Variants in DHDDS observed in about 807,000 individuals in gnomAD.
The protein encoded by DHDDS is dehydrodolichyl diphosphate synthase complex subunit DHDDS.
In DHDDS, 16 loss-of-function variants were observed where a neutral mutation model predicts 46.2. That is an observed-to-expected ratio of 0.35 (90% CI 0.23 to 0.53). The LOEUF is 0.53. Ranked by LOEUF, DHDDS falls within the 20% of genes least tolerant of loss-of-function variation. The pLI is 0.94. For synonymous variants in DHDDS, 151 were observed against 163.1 expected, an observed-to-expected ratio of 0.93 and a Z score of 0.56; for missense variants, 340 against 423.7, an observed-to-expected ratio of 0.80 and a Z score of 1.73.
At chr1:26,440,481 C>T (rs1044258799) in intron 3 of DHDDS, among the ~76,000 whole-genome samples, 3 of 152,202 alleles carry the variant, frequency 2.0e-5, no homozygotes, top group Non-Finnish European at 4.4e-5. Context: ...ATGGGGTTAG[C>T]AATCTCTATC....
intron 6 of DHDDS, among the ~76,000 whole-genome samples, chr1:26,456,209 A>G (rs3127010): frequency 0.39 from 59,205 of 151,896 alleles, 13,607 homozygotes; most frequent in East Asian, 0.78. Flanking sequence ...CTTAAATAAG[A>G]TTTTAAAAAT....
chr1:26,438,319 C>G (rs773755088), intron 3 of DHDDS, 35 bp downstream of exon 3: 1 of 1,580,666 alleles, frequency 6.3e-7, no homozygotes, highest in Non-Finnish European at 8.7e-7. Flanking sequence ...AGTGAACAGT[C>G]TGTGGAGAGG....
In DHDDS at chr1:26,453,555, G is replaced by A. The variant is rs982638805; in HGVS notation, c.543-4236G>A. ...TTGGATCGCTTGAGCTCATAAGTTC[G>A]AGACCAGCCTGGGCAAAATGGTAAA... On this transcript the variant is annotated intron_variant, in intron 6 of 8. Coordinates refer to ENST00000236342, the MANE Select transcript of DHDDS (RefSeq NM_205861.3). Among the ~76,000 whole-genome samples, 23 of 152,054 alleles carry A rather than the reference G, an allele frequency of 1.5e-4. No homozygotes were observed. Among genetic ancestry groups the A allele is most frequent in the African/African-American group, 4.8e-4 (20 of 41,394 alleles).
chr1:26,446,600 T>C (rs1476753931), intron 5 of DHDDS, among the ~76,000 whole-genome samples, 168 bp downstream of exon 5: 3 of 152,194 alleles, frequency 2.0e-5, no homozygotes, highest in Non-Finnish European at 2.9e-5. Context: ...CCAGACATGA[T>C]TCTGCAATAA....
intron 8 of DHDDS, among the ~76,000 whole-genome samples, chr1:26,461,833 A>T (rs1474524959): frequency 1.3e-5 from 2 of 152,224 alleles, no homozygotes; most frequent in East Asian, 1.9e-4. Flanking sequence ...AAATTAAAAG[A>T]AGTTTAGAAT....
At position 26,470,563 on chromosome 1, in the gene DHDDS, GC is replaced by G. The variant is rs2075544524; in HGVS notation, c.*1434del. The G allele has an allele frequency of 6.6e-6, 1 of 152,378 alleles. No homozygotes were observed. Among genetic ancestry groups the G allele is most frequent in the Non-Finnish European group, 1.5e-5 (1 of 68,022 alleles). 9.4% of individuals were successfully genotyped at this position (152,378 alleles called of 1,614,324 possible). A position where few individuals can be genotyped will look rare whatever the true frequency, so the allele number is the denominator to read the frequency against. On this transcript the variant is annotated 3_prime_UTR_variant, in exon 9 of 9. Coordinates refer to ENST00000236342, the MANE Select transcript of DHDDS (RefSeq NM_205861.3). ...CCCCTAACTTTCCTATACCCCACCC[GC>G]CTCTTCCCCTTTCTGTCCCGGGATA...
intron 2 of DHDDS, among the ~76,000 whole-genome samples, chr1:26,437,114 G>A (rs1022966648): frequency 6.6e-6 from 1 of 152,038 alleles, no homozygotes; most frequent in African/African-American, 2.4e-5. Flanking sequence ...AGGTTGCAAT[G>A]AGCCGAGATC....
intron 3 of DHDDS, among the ~76,000 whole-genome samples, chr1:26,441,776 GGCCC>G (rs1281192635): frequency 6.6e-6 from 1 of 151,744 alleles, no homozygotes; most frequent in Non-Finnish European, 1.5e-5. Context: ...CATGCCTGTA[GGCCC>G]AGCTACTCGG....
At chr1:26,455,319 A>G (rs2075360883) in intron 6 of DHDDS, 3 of 505,506 alleles carry the variant, frequency 5.9e-6, no homozygotes, top group Non-Finnish European at 1.1e-5. Context: ...TGCCAAGACA[A>G]GATTGTCAGA....
chr1:26,438,065 G>A, intron 2 of DHDDS, 103 bp from the exon 3 acceptor site: 1 of 1,205,938 alleles, frequency 8.3e-7, no homozygotes, highest in Non-Finnish European at 1.2e-6. Flanking sequence ...CCTTCGTCAG[G>A]GTTTTCATCA....
chr1:26,450,669 T>C (rs1183678362), intron 6 of DHDDS, among the ~76,000 whole-genome samples: 1 of 152,174 alleles, frequency 6.6e-6, no homozygotes, highest in African/African-American at 2.4e-5. Context: ...TGGTGTCAAA[T>C]GCTGTAGAGA....
At chr1:26,439,578 C>T (rs1043897678) in intron 3 of DHDDS, among the ~76,000 whole-genome samples, 3 of 150,830 alleles carry the variant, frequency 2.0e-5, no homozygotes, top group African/African-American at 7.3e-5. Flanking sequence ...AAGACCTTGT[C>T]TAAAAAAAAA....
At chr1:26,452,384 GT>G (rs1302011128) in intron 6 of DHDDS, among the ~76,000 whole-genome samples, 5 of 152,142 alleles carry the variant, frequency 3.3e-5, no homozygotes, top group Non-Finnish European at 5.9e-5. Context: ...TTAATAGATT[GT>G]TTTGTGAGTC....
chr1:26,470,852 G>A lies in DHDDS; in HGVS notation c.*1721G>A, dbSNP rs2075548592. On this transcript the variant is annotated 3_prime_UTR_variant, in exon 9 of 9. Coordinates refer to ENST00000236342, the MANE Select transcript of DHDDS (RefSeq NM_205861.3). ...TAATGCAGAGCCCTACAATTAAGGC[G>A]GGAATGAGGGGCTGGAGGCAGCAAA... The A allele has an allele frequency of 6.5e-6, 1 of 152,720 alleles. No homozygotes were observed. The highest frequency in any genetic ancestry group is 2.4e-5 in the African/African-American group (1 of 41,448). The allele number at this position is 152,720 out of a possible 1,614,324, so 9.5% of individuals were successfully genotyped here.
rs1353062907 is a variant in DHDDS at position 26,470,212 on chromosome 1, A to G, written c.*1081A>G. 1 of 152,160 alleles carries G rather than the reference A, an allele frequency of 6.6e-6. No homozygotes were observed. Among genetic ancestry groups the G allele is most frequent in the Non-Finnish European group, 1.5e-5 (1 of 68,158 alleles). The allele number at this position is 152,160 out of a possible 1,614,324, so 9.4% of individuals were successfully genotyped here. A position where few individuals can be genotyped will look rare whatever the true frequency, so the allele number is the denominator to read the frequency against. On this transcript the variant is annotated 3_prime_UTR_variant, in exon 9 of 9. Transcript: ENST00000236342. ...GCTGAGAGGATTAGTGCCTTTGAAGAGCTGTCTGCCTGAGCAACTCTATTT... is the reference window on the plus strand; with the variant it reads ...GCTGAGAGGATTAGTGCCTTTGAAGGGCTGTCTGCCTGAGCAACTCTATTT...
intron 4 of DHDDS, among the ~76,000 whole-genome samples, chr1:26,444,958 AG>A (rs1434089568): frequency 6.6e-6 from 1 of 152,140 alleles, no homozygotes; most frequent in African/African-American, 2.4e-5. Flanking sequence ...TCCAGATGAG[AG>A]AAGCTGGCTG....
Position 26,460,198 on chromosome 1 carries a change from CATTG to C in DHDDS, c.765+60_765+63del, listed in dbSNP as rs1380206904. 32 of 1,367,692 alleles carry C rather than the reference CATTG, an allele frequency of 2.3e-5. No homozygotes were observed. The East Asian group carries it at 3.2e-4, about 14-fold the overall frequency. 84.7% of individuals were successfully genotyped at this position (1,367,692 alleles called of 1,614,324 possible). On this transcript the variant is annotated intron_variant, in intron 8 of 8. Transcript: ENST00000236342. ...GGGATGGGATGGAAGAAAAGATTAG[CATTG>C]ATTGACAACCACCTTACTATATACC...
rs113377361 is a variant in DHDDS, at chr1:26,443,052, C to CTT, written c.323+183_323+184dup. The CTT allele has an allele frequency of 2.0e-5, 20 of 999,888 alleles. 1 individual carries two copies. The South Asian group carries it at 2.6e-4, about 13-fold the overall frequency. The allele number at this position is 999,888 out of a possible 1,614,324, so 61.9% of individuals were successfully genotyped here. On this transcript the variant is annotated intron_variant, in intron 4 of 8. Coordinates refer to ENST00000236342, the MANE Select transcript of DHDDS (RefSeq NM_205861.3). ...ATAGTCTTTCATTCTTTATTTCTAA[C>CTT]TTTTTAATAAAAAAGGGGGCATTTA... is the stretch of plus-strand genomic sequence containing the variant.
intron 4 of DHDDS, chr1:26,443,079 T>G: frequency 1.3e-6 from 1 of 790,726 alleles, no homozygotes; most frequent in Non-Finnish European, 1.9e-6. Flanking sequence ...GGGCATTTAT[T>G]TGAGGATATT....
Sources: gnomAD v4.1 joint callset for allele counts (sites outside exome capture counted in the v4.1 genomes callset) on GRCh38, gnomAD v4.1.1 for gene constraint, MANE v1.5 for transcripts, NCBI Gene and HGNC (gene_info 2026-07-23, HGNC 2026-07-21) for gene names.